The following MFN1 variants were observed in gnomAD, a reference collection of about 807,000 sequenced individuals.
MFN1 encodes mitofusin 1.
Under a neutral mutation model 92.4 loss-of-function variants are expected in MFN1, and 65 were observed. The observed-to-expected ratio is 0.70, with a 90% confidence interval of 0.58 to 0.86. MFN1 has a LOEUF of 0.86. Ranked by LOEUF, MFN1 falls within the 40% of genes least tolerant of loss-of-function variation. The pLI is 0.00. For missense variants in MFN1, 781 were observed against 868.0 expected, an observed-to-expected ratio of 0.90 and a Z score of 1.26; for synonymous variants, 297 against 300.9, an observed-to-expected ratio of 0.99 and a Z score of 0.13.
Position 179,351,959 on chromosome 3 carries a change from C to G in MFN1, c.172C>G (p.Gln58Glu). Reference sequence around the variant, plus strand: ...CACTGAAGATGATCTGGTAGAAATGCAAGGATATAAAGACAAGCTTTCCAT... The same window carrying G: ...CACTGAAGATGATCTGGTAGAAATGGAAGGATATAAAGACAAGCTTTCCAT... ...IATEDDLVEM[Q>E]GYKDKLSIIG... is the part of the protein sequence containing the mutation. Residue 58 changes from glutamine to glutamate, a missense_variant, in exon 3 of 18, where the codon CAA becomes GAA. Transcript: ENST00000471841. 6.2e-7 allele frequency: 1 copy of G among 1,610,426 alleles called. No individual in the cohort carries two copies. Among genetic ancestry groups the G allele is most frequent in the Non-Finnish European group, 8.5e-7 (1 of 1,177,332 alleles).
At chr3:179,375,093 C>T in intron 9 of MFN1, 127 bp from the exon 10 acceptor site, 6 of 1,040,314 alleles carry the variant, frequency 5.8e-6, no homozygotes, top group Non-Finnish European at 7.9e-6. Flanking sequence ...GTGCTTTTAT[C>T]ACTCATTTGT....
At chr3:179,356,617 A>G (rs1418255522) in intron 3 of MFN1, among the ~76,000 whole-genome samples, 1 of 152,144 alleles carries the variant, frequency 6.6e-6, no homozygotes, top group Non-Finnish European at 1.5e-5. Context: ...TAGAGGAGAA[A>G]AAGTTTCTAT....
In MFN1 at chr3:179,375,264, C is replaced by T; in HGVS notation, c.1020C>T (p.His340=). ...QSAVKTKFEQ[H]TIRAKQILAT... ...CAGTGAAAACAAAGTTCGAACAGCACACTATCAGAGCTAAACAGATACTAG... is the reference window on the plus strand; with the variant it reads ...CAGTGAAAACAAAGTTCGAACAGCATACTATCAGAGCTAAACAGATACTAG... The change falls in exon 10 of 18, where the codon CAC becomes CAT. Residue 340 remains histidine (H), a synonymous_variant. Transcript: ENST00000471841. The T allele has an allele frequency of 1.2e-6, 2 of 1,613,860 alleles. No homozygotes were observed. The highest frequency in any genetic ancestry group is 3.3e-4 in the Middle Eastern group (2 of 6,054).
chr3:179,381,405 C>G (rs1713462220), intron 14 of MFN1, among the ~76,000 whole-genome samples: 1 of 152,182 alleles, frequency 6.6e-6, no homozygotes, highest in Non-Finnish European at 1.5e-5. Context: ...ACTTTTTAAT[C>G]AAAACATAAC....
At chr3:179,372,788 G>A (rs532007713) in intron 9 of MFN1, among the ~76,000 whole-genome samples, 1 of 151,984 alleles carries the variant, frequency 6.6e-6, no homozygotes, top group Admixed American at 6.6e-5. Context: ...CTTCATCGAG[G>A]AATATAGACT....
At chr3:179,365,882 C>A (rs543032145) in intron 7 of MFN1, among the ~76,000 whole-genome samples, 1 of 152,286 alleles carries the variant, frequency 6.6e-6, no homozygotes, top group South Asian at 2.1e-4. Context: ...TATAGTATTC[C>A]ATCTGTGACT....
intron 10 of MFN1, among the ~76,000 whole-genome samples, chr3:179,376,473 C>G (rs1206562102): frequency 2.0e-5 from 3 of 152,088 alleles, no homozygotes; most frequent in African/African-American, 7.2e-5. Context: ...AGTAAAAGAT[C>G]TTCTTAAATG....
rs1713940492 is a variant in MFN1, at chr3:179,392,438, G to A, written c.*379G>A. ...TTCTTTCTCAAAACTAGTTTTTGATGCTTTCTTTCATGGGAATAGTCACTT... is the reference window on the plus strand; with the variant it reads ...TTCTTTCTCAAAACTAGTTTTTGATACTTTCTTTCATGGGAATAGTCACTT... On this transcript the variant is annotated 3_prime_UTR_variant, in exon 18 of 18. Transcript: ENST00000471841. 1 of 158,808 alleles carries A rather than the reference G, an allele frequency of 6.3e-6. No individual in the cohort carries two copies. Among genetic ancestry groups the A allele is most frequent in the Non-Finnish European group, 1.4e-5 (1 of 72,752 alleles). 9.8% of individuals were successfully genotyped at this position (158,808 alleles called of 1,614,324 possible).
intron 4 of MFN1, 93 bp from the exon 5 acceptor site, chr3:179,362,265 T>C (rs1184215481): frequency 1.6e-6 from 2 of 1,242,220 alleles, no homozygotes; most frequent in East Asian, 2.7e-5. Context: ...TTTATATACC[T>C]GTTTTGCTAA....
In MFN1 at chr3:179,367,660, C is replaced by T. The variant is rs1156508917; in HGVS notation, c.907+68C>T. 18 of 1,376,044 alleles carry T rather than the reference C, an allele frequency of 1.3e-5. No individual in the cohort carries two copies. In the East Asian group the frequency reaches 4.1e-4, roughly 31 times the overall value. 85.2% of individuals were successfully genotyped at this position (1,376,044 alleles called of 1,614,324 possible). ...TTAAAATTGGCTGGGTGCGGTGGCT[C>T]ACGCCTGTAATCCCAGCACTTTGGA... On this transcript the variant is annotated intron_variant, in intron 8 of 17. Transcript: ENST00000471841.
intron 3 of MFN1, among the ~76,000 whole-genome samples, chr3:179,358,476 A>T (rs534600618): frequency 6.6e-6 from 1 of 152,120 alleles, no homozygotes; most frequent in East Asian, 1.9e-4. Context: ...TCTGATGTGC[A>T]TTATTTGTTG....
intron 7 of MFN1, among the ~76,000 whole-genome samples, chr3:179,366,951 G>A (rs533677112): frequency 6.6e-5 from 10 of 152,072 alleles, no homozygotes; most frequent in Admixed American, 2.0e-4. Flanking sequence ...TTTTTGAGAC[G>A]GAGTCTTGCT....
intron 2 of MFN1, among the ~76,000 whole-genome samples, chr3:179,349,609 A>G (rs1712063603): frequency 6.6e-6 from 1 of 151,846 alleles, no homozygotes; most frequent in South Asian, 2.1e-4. Context: ...CCTGGGTTCA[A>G]GCGATTCTTC....
At chr3:179,368,856 A>C (rs886831246) in intron 9 of MFN1, among the ~76,000 whole-genome samples, 3 of 152,238 alleles carry the variant, frequency 2.0e-5, no homozygotes, top group African/African-American at 7.2e-5. Flanking sequence ...TGACTTCAGC[A>C]TTGAAGAAAC....
At chr3:179,372,502 C>G (rs1377104722) in intron 9 of MFN1, among the ~76,000 whole-genome samples, 1 of 151,990 alleles carries the variant, frequency 6.6e-6, no homozygotes, top group Admixed American at 6.6e-5. Context: ...AGAAGGGGAA[C>G]TTTATTTAAA....
At chr3:179,360,276 T>C (rs763079344) in intron 4 of MFN1, among the ~76,000 whole-genome samples, 2 of 152,038 alleles carry the variant, frequency 1.3e-5, no homozygotes, top group African/African-American at 2.4e-5. Context: ...CTGTTTAATC[T>C]CAAATTTGTC....
At chr3:179,391,114 G>A (rs1287634350) in intron 17 of MFN1, among the ~76,000 whole-genome samples, 3,019 of 152,216 alleles carry the variant, frequency 0.02, 94 homozygotes, top group African/African-American at 0.069. Flanking sequence ...TGGTGAAACT[G>A]TGCAGTAGAA....
chr3:179,356,059 T>C (rs952709332), intron 3 of MFN1, among the ~76,000 whole-genome samples: 6 of 152,244 alleles, frequency 3.9e-5, no homozygotes, highest in Admixed American at 1.3e-4. Flanking sequence ...ACAGAGCTTC[T>C]AAAACCATAG....
At chr3:179,389,859 C>A in intron 16 of MFN1, 145 bp from the exon 17 acceptor site, 1 of 681,764 alleles carries the variant, frequency 1.5e-6, no homozygotes, top group Non-Finnish European at 2.4e-6. Flanking sequence ...AGTGCCATAT[C>A]TTCCCTCTTA....
Sources: gnomAD v4.1 joint callset for allele counts (sites outside exome capture counted in the v4.1 genomes callset) on GRCh38, gnomAD v4.1.1 for gene constraint, MANE v1.5 for transcripts, NCBI Gene and HGNC (gene_info 2026-07-23, HGNC 2026-07-21) for gene names.